NKAIN2: variants seen among roughly 807,000 people sequenced by gnomAD.
NKAIN2 encodes sodium/potassium-transporting ATPase subunit beta-1-interacting protein 2.
In NKAIN2, 14 loss-of-function variants were observed where a neutral mutation model predicts 32.6. The observed-to-expected ratio is 0.43, with a 90% CI of 0.28 to 0.67. The LOEUF is 0.67. Ranked by LOEUF, NKAIN2 falls within the 30% of genes least tolerant of loss-of-function variation. The pLI is 0.17. For missense variants in NKAIN2, 198 were observed against 258.3 expected (o/e 0.77, Z 1.60); for synonymous variants, 80 against 87.2 (o/e 0.92, Z 0.46).
At chr6:124,056,820 A>G (rs998965897) in intron 1 of NKAIN2, among the ~76,000 whole-genome samples, 3 of 151,976 alleles carry the variant, frequency 2.0e-5, no homozygotes, top group African/African-American at 7.2e-5. Flanking sequence ...GCTACTCTTC[A>G]TGGAGCCAGC....
chr6:124,222,112 A>G (rs1371037007), intron 1 of NKAIN2, among the ~76,000 whole-genome samples: 1 of 152,156 alleles, frequency 6.6e-6, no homozygotes, highest in African/African-American at 2.4e-5. Context: ...AGATAATGTG[A>G]ATCCAGGAAT....
intron 1 of NKAIN2, among the ~76,000 whole-genome samples, chr6:123,906,114 C>G (rs1774853502): frequency 1.3e-5 from 2 of 152,116 alleles, no homozygotes; most frequent in South Asian, 4.1e-4. Context: ...GAATATTTCT[C>G]CATTATATAG....
intron 3 of NKAIN2, among the ~76,000 whole-genome samples, chr6:124,388,608 A>G (rs2114404477): frequency 6.6e-6 from 1 of 151,686 alleles, no homozygotes; most frequent in South Asian, 2.1e-4. Flanking sequence ...TCATTATTTG[A>G]GGGTTCTATA....
chr6:123,959,932 TGTGTGTGTGTG>T (rs1777770285), intron 1 of NKAIN2, among the ~76,000 whole-genome samples: 1 of 49,430 alleles, frequency 2.0e-5, no homozygotes, highest in African/African-American at 1.5e-4. Context: ...TATATGTGTG[TGTGTGTGTGTG>T]TGTGTGTGTG....
intron 3 of NKAIN2, among the ~76,000 whole-genome samples, chr6:124,397,728 T>G (rs1773446549): frequency 6.6e-6 from 1 of 152,128 alleles, no homozygotes; most frequent in South Asian, 2.1e-4. Flanking sequence ...GCATGTCAGG[T>G]AGTCAGGTGT....
chr6:124,669,588 A>G (rs1772987787), intron 4 of NKAIN2, among the ~76,000 whole-genome samples: 1 of 151,744 alleles, frequency 6.6e-6, no homozygotes, highest in South Asian at 2.1e-4. Flanking sequence ...AGGGTAGGGA[A>G]CTCTACTCAG....
chr6:123,887,442 A>C (rs1299843384), intron 1 of NKAIN2, among the ~76,000 whole-genome samples: 6 of 152,254 alleles, frequency 3.9e-5, no homozygotes, highest in African/African-American at 1.4e-4. Flanking sequence ...TTCCACAGTA[A>C]AACCAGATGG....
intron 1 of NKAIN2, among the ~76,000 whole-genome samples, chr6:123,907,724 C>T (rs1314697837): frequency 6.6e-6 from 1 of 152,148 alleles, no homozygotes; most frequent in Admixed American, 6.5e-5. Flanking sequence ...AATCCATCCC[C>T]TCATTCCCTC....
At chr6:123,990,027 G>A (rs1019462846) in intron 1 of NKAIN2, among the ~76,000 whole-genome samples, 1 of 152,162 alleles carries the variant, frequency 6.6e-6, no homozygotes, top group Non-Finnish European at 1.5e-5. Flanking sequence ...TTACAATCAT[G>A]GAGGGAAGGC....
chr6:124,609,792 C>T (rs1782626464), intron 3 of NKAIN2, among the ~76,000 whole-genome samples: 1 of 152,026 alleles, frequency 6.6e-6, no homozygotes, highest in African/African-American at 2.4e-5. Flanking sequence ...CGTAAATAGA[C>T]AGAGTGGGGT....
intron 1 of NKAIN2, among the ~76,000 whole-genome samples, chr6:123,836,922 C>T (rs1035695309): frequency 2.0e-5 from 3 of 152,000 alleles, no homozygotes; most frequent in Non-Finnish European, 4.4e-5. Flanking sequence ...TTTCTCATTC[C>T]CCACAAACGA....
chr6:123,937,521 G>T (rs527662871), intron 1 of NKAIN2, among the ~76,000 whole-genome samples: 1 of 152,054 alleles, frequency 6.6e-6, no homozygotes, highest in African/African-American at 2.4e-5. Flanking sequence ...GTACGACTGC[G>T]TGTGAAAAGA....
chr6:124,000,412 A>G (rs1422157145), intron 1 of NKAIN2, among the ~76,000 whole-genome samples: 2 of 152,030 alleles, frequency 1.3e-5, no homozygotes, highest in Non-Finnish European at 2.9e-5. Context: ...CTCAACTATA[A>G]AAGAAGCCTC....
In NKAIN2 at chr6:124,733,297, C is replaced by A. The variant is rs1411887289; in HGVS notation, c.475-58042C>A. The stretch of plus-strand genomic sequence containing the variant: ...AGAATATTACAGTATAAAGAGTAAG[C>A]CTTAATATATGAATTTTTTAATAAT... On this transcript the variant is annotated intron_variant, in intron 4 of 6. Transcript: ENST00000368417. Among the ~76,000 whole-genome samples the A allele has an allele frequency of 1.3e-5, 2 of 151,590 alleles. 1 individual carries two copies. Among genetic ancestry groups the A allele is most frequent in the Non-Finnish European group, 2.9e-5 (2 of 67,822 alleles).
chr6:124,292,283 C>T (rs887912744), intron 2 of NKAIN2, among the ~76,000 whole-genome samples: 1 of 152,058 alleles, frequency 6.6e-6, no homozygotes, highest in Admixed American at 6.6e-5. Context: ...GTCTCTTTCT[C>T]CTCCATACAT....
At chr6:124,487,667 A>G (rs1777705672) in intron 3 of NKAIN2, among the ~76,000 whole-genome samples, 1 of 152,144 alleles carries the variant, frequency 6.6e-6, no homozygotes, top group South Asian at 2.1e-4. Flanking sequence ...ATCCTTGCCT[A>G]TCGGTGATCA....
intron 1 of NKAIN2, among the ~76,000 whole-genome samples, chr6:124,028,358 A>G (rs1406117051): frequency 7.1e-6 from 1 of 140,668 alleles, no homozygotes; most frequent in Non-Finnish European, 1.5e-5. Context: ...ATGTTCAAGA[A>G]CAGAAGCATG....
At chr6:124,761,793 A>G (rs1005530380) in intron 4 of NKAIN2, among the ~76,000 whole-genome samples, 1 of 152,194 alleles carries the variant, frequency 6.6e-6, no homozygotes. Context: ...GAATGGGGAA[A>G]AACTTATATT....
intron 1 of NKAIN2, among the ~76,000 whole-genome samples, chr6:123,826,325 A>G (rs750239540): frequency 6.6e-6 from 1 of 152,200 alleles, no homozygotes; most frequent in Admixed American, 6.5e-5. Context: ...TTAAGACAAG[A>G]TCTGGAGATT....
Sources: allele counts gnomAD v4.1 joint callset (sites outside exome capture counted in the v4.1 genomes callset), GRCh38; gene constraint gnomAD v4.1.1; transcripts MANE v1.5; gene names NCBI Gene and HGNC (gene_info 2026-07-23, HGNC 2026-07-21).